The following PMFBP1 variants were observed in gnomAD, a reference collection of about 807,000 sequenced individuals.
The protein encoded by PMFBP1 is polyamine modulated factor 1 binding protein 1, also known as polyamine-modulated factor 1-binding protein 1.
A neutral mutation model predicts 137.8 loss-of-function variants in PMFBP1; 131 were observed. The ratio of observed to expected loss-of-function variants is 0.95; its 90% confidence interval spans 0.82 to 1.10. The LOEUF (loss-of-function observed/expected upper bound fraction) is 1.10, where lower values mean the gene tolerates loss of function less well. Among genes scored for constraint, PMFBP1 ranks in the 50% least tolerant of loss-of-function variants. PMFBP1 has a pLI of 0.00. For synonymous variants in PMFBP1, 490 were observed against 450.4 expected (o/e 1.09, Z -1.11); for missense variants, 1,199 against 1,175.4 (o/e 1.02, Z -0.29).
chr16:72,152,767 C>A (rs1305979698), intron 4 of PMFBP1, among the ~76,000 whole-genome samples: 1 of 146,338 alleles, frequency 6.8e-6, no homozygotes, highest in African/African-American at 2.5e-5. Context: ...GTCACTTGAA[C>A]TTGGGAGGCG....
chr16:72,204,412 G>A, the PMFBP1 span, among the ~76,000 whole-genome samples: 1 of 152,108 alleles, frequency 6.6e-6, no homozygotes, highest in East Asian at 1.9e-4. Flanking sequence ...ATGTTGCCCA[G>A]ACTGGTCTCA....
intron 3 of PMFBP1, chr16:72,164,346 C>A (rs1177526375): frequency 1.7e-6 from 2 of 1,212,114 alleles, no homozygotes; most frequent in South Asian, 2.5e-5. Flanking sequence ...TAAAGACCCC[C>A]TGCTACCCCA....
chr16:72,181,248 A>AAAAT (rs1459699465), upstream of PMFBP1, among the ~76,000 whole-genome samples: 1 of 150,150 alleles, frequency 6.7e-6, no homozygotes, highest in Non-Finnish European at 1.5e-5. Flanking sequence ...AAAAAAAAAA[A>AAAAT]AATAATAATA....
intron 3 of PMFBP1, among the ~76,000 whole-genome samples, chr16:72,161,906 C>T (rs2043067938): frequency 6.6e-6 from 1 of 152,128 alleles, no homozygotes; most frequent in Non-Finnish European, 1.5e-5. Context: ...ACATCTTCAA[C>T]AAATTACTTT....
chr16:72,157,834 T>C (rs1031489404), intron 3 of PMFBP1, among the ~76,000 whole-genome samples: 3 of 152,030 alleles, frequency 2.0e-5, no homozygotes, highest in Admixed American at 1.3e-4. Flanking sequence ...ATGGTAGCAA[T>C]GGAGGGCGGG....
downstream of PMFBP1, among the ~76,000 whole-genome samples, chr16:72,117,590 C>G (rs1327422028): frequency 6.6e-6 from 1 of 152,182 alleles, no homozygotes; most frequent in Non-Finnish European, 1.5e-5. Context: ...TATTCCTGAT[C>G]TTAGAGGAAA....
chr16:72,119,808 A>G (rs2042348686), intron 20 of PMFBP1, 43 bp downstream of exon 20: 4 of 1,600,166 alleles, frequency 2.5e-6, no homozygotes, highest in Non-Finnish European at 3.4e-6. Flanking sequence ...AGTGATTTAA[A>G]GAAAAAAATC....
intron 3 of PMFBP1, among the ~76,000 whole-genome samples, chr16:72,157,567 C>G (rs1438162370): frequency 1.3e-5 from 2 of 152,042 alleles, no homozygotes; most frequent in East Asian, 3.9e-4. Flanking sequence ...AGGGGGAAAG[C>G]TGTGCCTGAT....
chr16:72,127,955 T>C (rs1291932653), intron 14 of PMFBP1, among the ~76,000 whole-genome samples: 1 of 152,142 alleles, frequency 6.6e-6, no homozygotes, highest in African/African-American at 2.4e-5. Flanking sequence ...ACTACCAAGG[T>C]GTTATATTTT....
chr16:72,123,723 C>T, intron 17 of PMFBP1, 74 bp from the exon 18 acceptor site: 1 of 1,314,430 alleles, frequency 7.6e-7, no homozygotes, highest in South Asian at 1.3e-5. Context: ...CGAGTCAGGC[C>T]TCTTCTATCT....
At chr16:72,121,076 T>A (rs576906821) in intron 19 of PMFBP1, among the ~76,000 whole-genome samples, 3 of 152,172 alleles carry the variant, frequency 2.0e-5, no homozygotes, top group Non-Finnish European at 4.4e-5. Flanking sequence ...CTTGGCACAA[T>A]AGAAGAAAAA....
intron 7 of PMFBP1, among the ~76,000 whole-genome samples, chr16:72,138,078 T>G (rs2042660459): frequency 6.6e-6 from 1 of 152,144 alleles, no homozygotes; most frequent in Non-Finnish European, 1.5e-5. Context: ...GTATTCTGCT[T>G]CTTGGGGAAG....
chr16:72,229,032 G>A, the PMFBP1 span, among the ~76,000 whole-genome samples: 1 of 151,884 alleles, frequency 6.6e-6, no homozygotes, highest in Non-Finnish European at 1.5e-5. Context: ...TAAGCCCAAT[G>A]TCTATTGTTC....
At chr16:72,216,663 G>A in the PMFBP1 span, among the ~76,000 whole-genome samples, 2 of 152,112 alleles carry the variant, frequency 1.3e-5, no homozygotes, top group Non-Finnish European at 2.9e-5. Context: ...GAAATAAATG[G>A]GAATGCAAAG....
At chr16:72,182,961 G>A in the PMFBP1 span, among the ~76,000 whole-genome samples, 1 of 152,056 alleles carries the variant, frequency 6.6e-6, no homozygotes, top group South Asian at 2.1e-4. Flanking sequence ...TCAGCAGGAA[G>A]GTCAGTGGGG....
chr16:72,209,586 T>C, the PMFBP1 span, among the ~76,000 whole-genome samples: 139 of 152,266 alleles, frequency 9.1e-4, 3 homozygotes, highest in East Asian at 0.022. Flanking sequence ...AAATTCAATA[T>C]ATGGAGACAT....
At chr16:72,117,926 G>T (rs891581089), downstream of PMFBP1, among the ~76,000 whole-genome samples, 15 of 152,178 alleles carry the variant, frequency 9.9e-5, no homozygotes, top group African/African-American at 3.6e-4. Flanking sequence ...GGCTGTCACA[G>T]TCGGATGGCT....
At chr16:72,152,715 C>T (rs1052467966) in intron 4 of PMFBP1, among the ~76,000 whole-genome samples, 6 of 151,846 alleles carry the variant, frequency 4.0e-5, no homozygotes, top group Admixed American at 1.3e-4. Context: ...TGTGGTGGTG[C>T]GTGCCTGTAA....
chr16:72,150,488 G>T (rs1447309726), intron 5 of PMFBP1, 120 bp downstream of exon 5: 2 of 911,832 alleles, frequency 2.2e-6, no homozygotes, highest in African/African-American at 1.6e-5. Context: ...AAAATCAAGG[G>T]CAGGAAGTGA....
Sources: allele counts gnomAD v4.1 joint callset (sites outside exome capture counted in the v4.1 genomes callset), GRCh38; gene constraint gnomAD v4.1.1; transcripts MANE v1.5; gene names NCBI Gene and HGNC (gene_info 2026-07-23, HGNC 2026-07-21).